Variants in NBAS observed in about 807,000 individuals in gnomAD.
NBAS encodes the protein NAG/BC035112 fusion.
NBAS carries 219 observed loss-of-function variants against 302.5 expected under a neutral mutation model. The ratio of observed to expected loss-of-function variants is 0.72; its 90% CI spans 0.65 to 0.81. The LOEUF is 0.81. NBAS is among the 30% of genes least tolerant of loss of function. NBAS has a pLI of 0.00. For missense variants in NBAS, 2,932 were observed against 2,841.6 expected (o/e 1.03, Z -0.72); for synonymous variants, 1,118 against 1,021.6 (o/e 1.09, Z -1.80).
At chr2:14,845,383 A>G in the NBAS span, among the ~76,000 whole-genome samples, 1,238 of 152,340 alleles carry the variant, frequency 8.1e-3, 9 homozygotes, top group African/African-American at 0.024. Context: ...TATGGCTTAT[A>G]TCACAACACC....
chr2:15,173,753 C>T (rs1664405548), intron 51 of NBAS, among the ~76,000 whole-genome samples: 1 of 152,174 alleles, frequency 6.6e-6, no homozygotes, highest in South Asian at 2.1e-4. Flanking sequence ...AGCTTGATCA[C>T]CTCTGCAACC....
At chr2:15,541,510 A>G (rs1217087105) in intron 6 of NBAS, among the ~76,000 whole-genome samples, 3 of 152,180 alleles carry the variant, frequency 2.0e-5, no homozygotes, top group Admixed American at 6.5e-5. Flanking sequence ...ATATATGGGG[A>G]AAGTACACCA....
intron 45 of NBAS, among the ~76,000 whole-genome samples, chr2:15,236,027 A>G (rs924416365): frequency 5.3e-5 from 8 of 152,178 alleles, no homozygotes; most frequent in African/African-American, 1.9e-4. Context: ...GAACTATAAA[A>G]GGGATAAATG....
chr2:15,037,877 C>T, the NBAS span, among the ~76,000 whole-genome samples: 1 of 151,980 alleles, frequency 6.6e-6, no homozygotes, highest in Non-Finnish European at 1.5e-5. Flanking sequence ...TTCAGTCATA[C>T]TATTTGGGAT....
At chr2:15,085,519 C>T in the NBAS span, among the ~76,000 whole-genome samples, 1 of 152,092 alleles carries the variant, frequency 6.6e-6, no homozygotes, top group Non-Finnish European at 1.5e-5. Context: ...AGGCCCAGGC[C>T]CAGCAAGGAC....
chr2:14,947,463 C>T, the NBAS span, among the ~76,000 whole-genome samples: 1 of 151,904 alleles, frequency 6.6e-6, no homozygotes, highest in African/African-American at 2.4e-5. Context: ...AAGATTGAAC[C>T]ATGAAGAAAT....
chr2:15,217,748 T>G (rs1486716567), intron 48 of NBAS, among the ~76,000 whole-genome samples: 1 of 152,228 alleles, frequency 6.6e-6, no homozygotes, highest in Non-Finnish European at 1.5e-5. Flanking sequence ...ATTTAGGAAT[T>G]AGCATTCTTA....
At chr2:15,532,279 G>A (rs980103566) in intron 9 of NBAS, among the ~76,000 whole-genome samples, 1 of 151,904 alleles carries the variant, frequency 6.6e-6, no homozygotes, top group Admixed American at 6.6e-5. Context: ...CACGAGGTCA[G>A]GAGATCGAAA....
At chr2:14,793,068 TTCTCTCTCTC>T in the NBAS span, among the ~76,000 whole-genome samples, 9 of 147,416 alleles carry the variant, frequency 6.1e-5, no homozygotes, top group Non-Finnish European at 1.1e-4. Flanking sequence ...CTGTCTCTGT[TTCTCTCTCTC>T]TCTCTCTCTC....
intron 44 of NBAS, among the ~76,000 whole-genome samples, chr2:15,253,041 G>A (rs1011899515): frequency 2.6e-5 from 4 of 152,080 alleles, no homozygotes; most frequent in African/African-American, 9.7e-5. Flanking sequence ...GGAGGGGAGG[G>A]TGGATTGCAG....
intron 32 of NBAS, among the ~76,000 whole-genome samples, chr2:15,358,432 G>A (rs527947086): frequency 4.6e-5 from 7 of 152,016 alleles, no homozygotes; most frequent in East Asian, 1.9e-4. Flanking sequence ...GCATGTGCGC[G>A]TGTGCCCGTG....
intron 10 of NBAS, among the ~76,000 whole-genome samples, chr2:15,510,722 G>A (rs890995458): frequency 2.0e-5 from 3 of 152,118 alleles, no homozygotes; most frequent in African/African-American, 7.2e-5. Flanking sequence ...TGTAAATATG[G>A]AACAACATGG....
chr2:15,478,506 A>C (rs1680287099), intron 12 of NBAS, among the ~76,000 whole-genome samples: 1 of 152,236 alleles, frequency 6.6e-6, no homozygotes, highest in Non-Finnish European at 1.5e-5. Flanking sequence ...TGATTTATGA[A>C]GAATACAGCA....
chr2:15,505,683 A>G (rs2148639024), intron 10 of NBAS, among the ~76,000 whole-genome samples: 1 of 152,348 alleles, frequency 6.6e-6, no homozygotes, highest in South Asian at 2.1e-4. Flanking sequence ...TGAACAAGAA[A>G]GAGATTCACA....
intron 38 of NBAS, among the ~76,000 whole-genome samples, chr2:15,316,620 T>A (rs905981736): frequency 6.6e-6 from 1 of 152,246 alleles, no homozygotes; most frequent in African/African-American, 2.4e-5. Flanking sequence ...CCTTGCTCAC[T>A]GCTAGCGCAG....
At position 15,353,419 on chromosome 2, in the gene NBAS, TA is replaced by T. The variant is rs1246716181; in HGVS notation, c.4089+133del. ...CTAATATTTTCATGTCCCTTTTCCATAAGTGACAATCTAGTTTTCTTCCATA... is the reference window on the plus strand; with the variant it reads ...CTAATATTTTCATGTCCCTTTTCCATAGTGACAATCTAGTTTTCTTCCATA... On this transcript the variant is annotated intron_variant, in intron 34 of 51. Transcript: ENST00000281513. 8 of 1,100,524 alleles carry T rather than the reference TA, an allele frequency of 7.3e-6. No individual in the cohort carries two copies. The African/African-American group carries it at 1.2e-4, about 17-fold the overall frequency. 68.2% of individuals were successfully genotyped at this position (1,100,524 alleles called of 1,614,324 possible). A position where few individuals can be genotyped will look rare whatever the true frequency, so the allele number is the denominator to read the frequency against.
chr2:15,238,141 T>C (rs9678103), intron 45 of NBAS, among the ~76,000 whole-genome samples: 11,525 of 152,106 alleles, frequency 0.076, 471 homozygotes, highest in East Asian at 0.13. Context: ...GTCTTCTCAT[T>C]TCTTCATTTT....
intron 16 of NBAS, among the ~76,000 whole-genome samples, chr2:15,471,849 G>A (rs922163012): frequency 1.3e-5 from 2 of 152,242 alleles, no homozygotes; most frequent in South Asian, 4.1e-4. Flanking sequence ...CCAGGAGAGT[G>A]CCCTCACCAG....
Position 15,561,204 on chromosome 2 carries a change from G to T in NBAS, c.101C>A (p.Pro34Gln). ...CTGGTTCACCTGTACTTCAGTCTCC[G>T]GTGGCCACTCGGTGTTGACCAACAA... is the stretch of plus-strand genomic sequence containing the variant. ...YDLLVNTEWPPETEVQPRGNQ... is the reference protein window; with the variant it reads ...YDLLVNTEWPQETEVQPRGNQ... The change falls in exon 1 of 52, where the codon CCG becomes CAG. Residue 34 changes from proline to glutamine, a missense_variant. By Grantham distance (76) the Pro-to-Gln change is moderately conservative. Transcript: ENST00000281513. 2 of 1,613,756 alleles carry T rather than the reference G, an allele frequency of 1.2e-6. No homozygotes were observed. Among genetic ancestry groups the T allele is most frequent in the Non-Finnish European group, 8.5e-7 (1 of 1,179,968 alleles).
Sources: allele counts gnomAD v4.1 joint callset (sites outside exome capture counted in the v4.1 genomes callset), GRCh38; gene constraint gnomAD v4.1.1; transcripts MANE v1.5; gene names NCBI Gene and HGNC (gene_info 2026-07-23, HGNC 2026-07-21).